The following CYP1A1 variants were observed in gnomAD, a reference collection of about 807,000 sequenced individuals.
The protein encoded by CYP1A1 is cytochrome P450 1A1.
Under a neutral mutation model 33.6 loss-of-function variants are expected in CYP1A1, and 43 were observed. That is an observed-to-expected ratio of 1.28 (90% CI 1.00 to 1.65). The LOEUF (loss-of-function observed/expected upper bound fraction) is 1.65, where lower values mean the gene tolerates loss of function less well. Ranked by LOEUF, CYP1A1 falls within the 40% of genes most tolerant of loss-of-function variation. The pLI, the probability that CYP1A1 is intolerant of heterozygous loss-of-function variation, is 0.00. For missense variants in CYP1A1, 637 were observed against 653.7 expected, an observed-to-expected ratio of 0.97 and a Z score of 0.28; for synonymous variants, 280 against 257.8, an observed-to-expected ratio of 1.09 and a Z score of -0.83.
In CYP1A1 at chr15:74,722,228, T is replaced by C. The variant is rs4986879; in HGVS notation, c.825+45A>G. 3.0e-3 allele frequency: 4,620 copies of C among 1,517,222 alleles called. 120 individuals carry two copies. In the African/African-American group the frequency reaches 0.058, roughly 19 times the overall value. 94.0% of individuals were successfully genotyped at this position (1,517,222 alleles called of 1,614,324 possible). On this transcript the variant is annotated intron_variant, in intron 2 of 6. Transcript: ENST00000379727. Reference sequence around the variant, plus strand: ...TTACCTTTGACCTCCCAGGCCCTGATGCCATCTGCTTCCCACCACCCACCT... The same window carrying C: ...TTACCTTTGACCTCCCAGGCCCTGACGCCATCTGCTTCCCACCACCCACCT...
chr15:74,722,488 C>A lies in CYP1A1; in HGVS notation c.610G>T (p.Gly204Cys), dbSNP rs1444999283. The A allele has an allele frequency of 1.2e-6, 2 of 1,613,756 alleles. No individual in the cohort carries two copies. Among genetic ancestry groups the A allele is most frequent in the Admixed American group, 3.3e-5 (2 of 59,962 alleles). Residue 204 changes from glycine to cysteine, a missense_variant, in exon 2 of 7, where the codon GGC (glycine) becomes TGC (cysteine). Coordinates refer to ENST00000379727, the MANE Select transcript of CYP1A1 (RefSeq NM_001319217.2). ...VTNVICAICF[G>C]RRYDHNHQEL... is the part of the protein sequence containing the mutation. Reference sequence around the variant, plus strand: ...TGGTGGTTGTGGTCATAGCGCCGGCCAAAGCAAATGGCACAGATGACATTG... The same window carrying A: ...TGGTGGTTGTGGTCATAGCGCCGGCAAAAGCAAATGGCACAGATGACATTG...
In CYP1A1 at chr15:74,725,458, G is replaced by A. The variant is rs577435886; in HGVS notation, c.-47C>T. 6.6e-6 allele frequency: 1 copy of A among 152,190 alleles called. No individual in the cohort carries two copies. Among genetic ancestry groups the A allele is most frequent in the Non-Finnish European group, 1.5e-5 (1 of 68,130 alleles). The allele number at this position is 152,190 out of a possible 1,614,324, so 9.4% of individuals were successfully genotyped here. On this transcript the variant is annotated 5_prime_UTR_variant, in exon 1 of 7. Transcript: ENST00000379727. ...CAACTCACCTGAGGTACTGAGCTGA[G>A]CTGGGAAGGGTGGACTCTTGGAGCC...
Position 74,721,427 on chromosome 15 carries a change from G to A in CYP1A1, c.1029C>T (p.Ile343=), listed in dbSNP as rs1335262570. 4 of 1,614,156 alleles carry A rather than the reference G, an allele frequency of 2.5e-6. No homozygotes were observed. The South Asian group carries it at 4.4e-5, about 18-fold the overall frequency. Residue 343 remains isoleucine (I), a synonymous_variant, in exon 4 of 7, where the codon ATC becomes ATT. Transcript: ENST00000379727. ...LVMNPRVQRK[I]QEELDTVIGR... is the part of the protein sequence containing the mutation. The stretch of plus-strand genomic sequence containing the variant: ...GCCACTACCTACCTAGCTCCTCTTG[G>A]ATCTTTCTCTGTACCCTGGGGTTCA...
intron 1 of CYP1A1, among the ~76,000 whole-genome samples, chr15:74,723,338 A>G (rs1351817042): frequency 2.0e-5 from 3 of 152,192 alleles, no homozygotes; most frequent in African/African-American, 7.2e-5. Flanking sequence ...CCACAAATCT[A>G]TGAAGTAGCC....
At chr15:74,724,197 C>T (rs1206092438) in intron 1 of CYP1A1, among the ~76,000 whole-genome samples, 33 of 152,128 alleles carry the variant, frequency 2.2e-4, no homozygotes, top group Admixed American at 2.2e-3. Context: ...GGAAGGTTCC[C>T]ACTAGGCTGT....
chr15:74,722,400 G>A lies in CYP1A1; in HGVS notation c.698C>T (p.Pro233Leu). 6.2e-7 allele frequency: 1 copy of A among 1,614,054 alleles called. No individual in the cohort carries two copies. The highest frequency in any genetic ancestry group is 2.2e-5 in the East Asian group (1 of 44,882). The stretch of plus-strand genomic sequence containing the variant: ...GCGAAGAATAGGGATGAAGTCAGCT[G>A]GGTTTCCAGAGCCAACCACCTCCCC... ...NFGEVVGSGN[P>L]ADFIPILRYL... Residue 233 changes from proline (P) to leucine (L), a missense_variant, in exon 2 of 7, where the codon CCA becomes CTA. By Grantham distance (98) the Pro-to-Leu change is moderately conservative. Transcript: ENST00000379727.
In CYP1A1 at chr15:74,720,063, C is replaced by T. The variant is rs1317207878; in HGVS notation, c.*426G>A. 2 of 158,202 alleles carry T rather than the reference C, an allele frequency of 1.3e-5. No individual in the cohort carries two copies. Among genetic ancestry groups the T allele is most frequent in the Non-Finnish European group, 2.8e-5 (2 of 72,554 alleles). The allele number at this position is 158,202 out of a possible 1,614,324, so 9.8% of individuals were successfully genotyped here. A position where few individuals can be genotyped will look rare whatever the true frequency, so the allele number is the denominator to read the frequency against. The stretch of plus-strand genomic sequence containing the variant: ...TCTTCCCTTCACTCTTGGCAGCTCC[C>T]AATTGTCAAAGATTGGACAGGGTCC... On this transcript the variant is annotated 3_prime_UTR_variant, in exon 7 of 7. Coordinates refer to ENST00000379727, the MANE Select transcript of CYP1A1 (RefSeq NM_001319217.2).
At position 74,722,528 on chromosome 15, in the gene CYP1A1, C is replaced by T; in HGVS notation, c.570G>A (p.Val190=). ...AGATGACATTGGTCACTGATACCACCACATACCTGTAGGGGTTAAAGTGCC... is the reference window on the plus strand; with the variant it reads ...AGATGACATTGGTCACTGATACCACTACATACCTGTAGGGGTTAAAGTGCC... ...GPGHFNPYRY[V]VVSVTNVICA... is the part of the protein sequence containing the mutation. Residue 190 remains valine, a synonymous_variant, in exon 2 of 7, where the codon GTG becomes GTA. Transcript: ENST00000379727. The T allele has an allele frequency of 6.2e-7, 1 of 1,613,976 alleles. No homozygotes were observed. The highest frequency in any genetic ancestry group is 1.1e-5 in the South Asian group (1 of 91,070).
Position 74,721,589 on chromosome 15 carries a change from A to G in CYP1A1, c.952+2T>C. The G allele has an allele frequency of 6.2e-7, 1 of 1,614,170 alleles. No homozygotes were observed. Among genetic ancestry groups the G allele is most frequent in the Non-Finnish European group, 8.5e-7 (1 of 1,180,020 alleles). ...AGGAAGGACACAATGGGGTAACCAT[A>G]CCAGCTCCAAAGAGGTCCAAGACGA... On this transcript the variant is annotated splice_donor_variant, in intron 3 of 6. Coordinates refer to ENST00000379727, the MANE Select transcript of CYP1A1 (RefSeq NM_001319217.2). LOFTEE classifies it high-confidence loss of function.
rs2063186567 is a variant in CYP1A1 at position 74,722,973 on chromosome 15, C to T, written c.125G>A (p.Gly42Glu). 3 of 1,614,070 alleles carry T rather than the reference C, an allele frequency of 1.9e-6. No homozygotes were observed. Among genetic ancestry groups the T allele is most frequent in the Non-Finnish European group, 2.5e-6 (3 of 1,180,034 alleles). ...QVPKGLKNPP[G>E]PWGWPLIGHM... ...CCCAATCAGAGGCCAGCCCCATGGC[C>T]CTGGTGGATTCTTCAGGCCTTTGGG... Residue 42 changes from glycine to glutamate, a missense_variant, in exon 2 of 7, where the codon GGG becomes GAG. Gly to Glu is a moderately conservative substitution (Grantham distance 98). Coordinates refer to ENST00000379727, the MANE Select transcript of CYP1A1 (RefSeq NM_001319217.2).
chr15:74,721,194 C>T lies in CYP1A1; in HGVS notation c.1166+5G>A. On this transcript the variant is annotated splice_donor_5th_base_variant and intron_variant, in intron 5 of 6. Coordinates refer to ENST00000379727, the MANE Select transcript of CYP1A1 (RefSeq NM_001319217.2). ...ACAGACAGCAGTGGCTCCATGGGGC[C>T]TTACCTGTGGGGGATGGTGAAGGGG... The T allele has an allele frequency of 1.2e-6, 2 of 1,611,142 alleles. No individual in the cohort carries two copies. The highest frequency in any genetic ancestry group is 1.1e-5 in the South Asian group (1 of 90,446).
In CYP1A1 at chr15:74,719,601, T is replaced by C. The variant is rs568027278; in HGVS notation, c.*888A>G. ...GTAGTTGTTCTTACACATTTTTGGA[T>C]ACCTGGGTTAGAATTTTCCCTATTA... On this transcript the variant is annotated 3_prime_UTR_variant, in exon 7 of 7. Coordinates refer to ENST00000379727, the MANE Select transcript of CYP1A1 (RefSeq NM_001319217.2). The C allele has an allele frequency of 6.6e-6, 1 of 151,938 alleles. No homozygotes were observed. The highest frequency in any genetic ancestry group is 2.4e-5 in the African/African-American group (1 of 41,186). 9.4% of individuals were successfully genotyped at this position (151,938 alleles called of 1,614,324 possible).
intron 1 of CYP1A1, among the ~76,000 whole-genome samples, chr15:74,724,960 C>G (rs1281647570): frequency 6.6e-6 from 1 of 152,192 alleles, no homozygotes; most frequent in Non-Finnish European, 1.5e-5. Flanking sequence ...ACAAGCCACC[C>G]TTAGGAGGGT....
At position 74,722,428 on chromosome 15, in the gene CYP1A1, AATT is replaced by A. The variant is rs762836718; in HGVS notation, c.667_669del (p.Asn223del). On this transcript the variant is annotated inframe_deletion, in exon 2 of 7. Transcript: ENST00000379727. ...TTTCCAGAGCCAACCACCTCCCCGA[AATT>A]ATTATTCAGGTTGACTAGGCTAAGC... The A allele has an allele frequency of 1.2e-6, 2 of 1,613,828 alleles. No individual in the cohort carries two copies.
rs1199798203 is a variant in CYP1A1 at position 74,720,400 on chromosome 15, T to G, written c.*89A>C. The G allele has an allele frequency of 2.8e-6, 4 of 1,416,740 alleles. No homozygotes were observed. In the African/African-American group the frequency reaches 5.7e-5, roughly 20 times the overall value. The allele number at this position is 1,416,740 out of a possible 1,614,324, so 87.8% of individuals were successfully genotyped here. A position where few individuals can be genotyped will look rare whatever the true frequency, so the allele number is the denominator to read the frequency against. On this transcript the variant is annotated 3_prime_UTR_variant, in exon 7 of 7. Transcript: ENST00000379727. Reference sequence around the variant, plus strand: ...AGATCAGTGTCTATGAGTTTCAGGCTGAACCTTAGACCACATAGGCCAGCC... The same window carrying G: ...AGATCAGTGTCTATGAGTTTCAGGCGGAACCTTAGACCACATAGGCCAGCC...
chr15:74,721,510 A>C lies in CYP1A1; in HGVS notation c.953-7T>G. The C allele has an allele frequency of 1.2e-6, 2 of 1,614,218 alleles. No individual in the cohort carries two copies. The highest frequency in any genetic ancestry group is 1.7e-6 in the Non-Finnish European group (2 of 1,180,022). ...GTTGTGACTGTGTCAAACCCTGGAC[A>C]GGGTAGAACAGAAGAAGTTAGGCAG... On this transcript the variant is annotated splice_region_variant and splice_polypyrimidine_tract_variant and intron_variant, in intron 3 of 6. Transcript: ENST00000379727.
In CYP1A1 at chr15:74,722,830, C is replaced by T. The variant is rs1596349129; in HGVS notation, c.268G>A (p.Asp90Asn). 1 of 1,614,006 alleles carries T rather than the reference C, an allele frequency of 6.2e-7. No individual in the cohort carries two copies. Among genetic ancestry groups the T allele is most frequent in the Admixed American group, 1.7e-5 (1 of 60,022 alleles). The change falls in exon 2 of 7, where the codon GAC (aspartate) becomes AAC (asparagine). Residue 90 changes from aspartate to asparagine, a missense_variant. Transcript: ENST00000379727. ...CGCACCAGGGCCTGCCGGATGGTGT[C>T]CAGGCCGCTCAGCACCACCACGGGT... The part of the protein sequence containing the change: ...STPVVVLSGL[D>N]TIRQALVRQG...
At chr15:74,721,866 G>C in intron 2 of CYP1A1, 149 bp from the exon 3 acceptor site, 1 of 983,016 alleles carries the variant, frequency 1.0e-6, no homozygotes, top group Non-Finnish European at 1.5e-6. Context: ...GCCTCTGCAA[G>C]GCTCTCTCCT....
In CYP1A1 at chr15:74,721,448, G is replaced by T; in HGVS notation, c.1008C>A (p.Asn336Lys). 1 of 1,614,144 alleles carries T rather than the reference G, an allele frequency of 6.2e-7. No individual in the cohort carries two copies. Among genetic ancestry groups the T allele is most frequent in the Non-Finnish European group, 8.5e-7 (1 of 1,180,026 alleles). ...ISWSLMYLVM[N>K]PRVQRKIQEE... ...CTTGGATCTTTCTCTGTACCCTGGG[G>T]TTCATCACCAAATACATGAGGCTCC... The change falls in exon 4 of 7, where the codon AAC (asparagine) becomes AAA (lysine). Residue 336 changes from asparagine to lysine, a missense_variant. By Grantham distance (94) the Asn-to-Lys change is moderately conservative. Coordinates refer to ENST00000379727, the MANE Select transcript of CYP1A1 (RefSeq NM_001319217.2).
Sources: gnomAD v4.1 joint callset for allele counts (sites outside exome capture counted in the v4.1 genomes callset) on GRCh38, gnomAD v4.1.1 for gene constraint, MANE v1.5 for transcripts, NCBI Gene and HGNC (gene_info 2026-07-23, HGNC 2026-07-21) for gene names.